The following DPM1 variants were observed in gnomAD, a reference collection of about 807,000 sequenced individuals.
The protein encoded by DPM1 is dolichyl-phosphate mannosyltransferase subunit 1, catalytic.
In DPM1, 27 loss-of-function variants were observed where a neutral mutation model predicts 39.0. The ratio of observed to expected loss-of-function variants is 0.69; its 90% CI spans 0.51 to 0.95. The LOEUF (loss-of-function observed/expected upper bound fraction) is 0.95, where lower values mean the gene tolerates loss of function less well. DPM1 is among the 40% of genes least tolerant of loss of function. The pLI is 0.00. For synonymous variants in DPM1, 124 were observed against 109.0 expected, an observed-to-expected ratio of 1.14 and a Z score of -0.86; for missense variants, 307 against 315.6, an observed-to-expected ratio of 0.97 and a Z score of 0.21.
intron 5 of DPM1, chr20:50,945,072 A>G (rs908004315): frequency 5.9e-5 from 9 of 152,776 alleles, no homozygotes; most frequent in African/African-American, 9.6e-5. Context: ...TGAATGAATT[A>G]TAAGTGATTA....
At chr20:50,941,853 T>TA (rs1377116351) in intron 6 of DPM1, among the ~76,000 whole-genome samples, 178 bp downstream of exon 6, 1 of 152,086 alleles carries the variant, frequency 6.6e-6, no homozygotes, top group African/African-American at 2.4e-5. Flanking sequence ...TTTTCCTTAA[T>TA]AAAAAACATC....
At chr20:50,947,939 T>A (rs1986380678) in intron 3 of DPM1, among the ~76,000 whole-genome samples, 1 of 152,106 alleles carries the variant, frequency 6.6e-6, no homozygotes, top group African/African-American at 2.4e-5. Flanking sequence ...AAATGAAGAG[T>A]AACTTTTTAA....
At chr20:50,946,446 C>T (rs939752224) in intron 3 of DPM1, among the ~76,000 whole-genome samples, 9 of 152,254 alleles carry the variant, frequency 5.9e-5, no homozygotes, top group Admixed American at 5.2e-4. Flanking sequence ...GCTCCATCCA[C>T]AGGTCTAGAG....
intron 3 of DPM1, 69 bp from the exon 4 acceptor site, chr20:50,945,992 G>T (rs1168187125): frequency 1.5e-6 from 2 of 1,377,756 alleles, no homozygotes; most frequent in African/African-American, 2.8e-5. Flanking sequence ...GAACATCAAG[G>T]AAATTGTTTA....
chr20:50,952,003 C>G (rs1986607940), intron 2 of DPM1, among the ~76,000 whole-genome samples: 1 of 152,040 alleles, frequency 6.6e-6, no homozygotes. Flanking sequence ...TCTGATGGCC[C>G]CTTTCTATGT....
chr20:50,939,591 A>C (rs1985533346), intron 7 of DPM1, among the ~76,000 whole-genome samples: 1 of 151,496 alleles, frequency 6.6e-6, no homozygotes, highest in Admixed American at 6.6e-5. Context: ...AGGCCTCCCA[A>C]AGTGCTGGGA....
intron 8 of DPM1, 116 bp downstream of exon 8, chr20:50,936,032 C>T: frequency 6.8e-6 from 5 of 734,056 alleles, no homozygotes; most frequent in Admixed American, 2.1e-5. Context: ...TTCTAAACAA[C>T]TAGAAGACCT....
rs573246577 is a variant in DPM1 at position 50,951,752 on chromosome 20, C to T, written c.262-3090G>A. Among the ~76,000 whole-genome samples, 196 of 151,790 alleles carry T rather than the reference C, an allele frequency of 1.3e-3. 2 individuals carry two copies. Among genetic ancestry groups the T allele is most frequent in the Admixed American group, 4.2e-3 (64 of 15,254 alleles). On this transcript the variant is annotated intron_variant, in intron 2 of 8. Coordinates refer to ENST00000371588, the MANE Select transcript of DPM1 (RefSeq NM_003859.3). ...GCAGTGAGCTGAGATCTTGCCATTG[C>T]ACTCCAGCCTGGGCGACAGAGCGAG...
chr20:50,939,938 G>T (rs1285504761), intron 7 of DPM1, among the ~76,000 whole-genome samples: 1 of 152,210 alleles, frequency 6.6e-6, no homozygotes, highest in African/African-American at 2.4e-5. Flanking sequence ...CGCAATCAGA[G>T]ATCTTAATCA....
At position 50,934,874 on chromosome 20, in the gene DPM1, T is replaced by C. The variant is rs1985011252; in HGVS notation, c.*258A>G. On this transcript the variant is annotated 3_prime_UTR_variant, in exon 9 of 9. Transcript: ENST00000371588. ...CTCTAATGAAGGCAGCAATACTTTA[T>C]GCAAAAAAAAATATACATTTATTTA... is the stretch of plus-strand genomic sequence containing the variant. 1 of 284,662 alleles carries C rather than the reference T, an allele frequency of 3.5e-6. No individual in the cohort carries two copies. The highest frequency in any genetic ancestry group is 2.3e-5 in the African/African-American group (1 of 44,360). The allele number at this position is 284,662 out of a possible 1,614,324, so 17.6% of individuals were successfully genotyped here.
chr20:50,944,966 G>A (rs1986172826), intron 5 of DPM1: 1 of 152,154 alleles, frequency 6.6e-6, no homozygotes, highest in Admixed American at 6.5e-5. Flanking sequence ...TGCTTAAGAG[G>A]TTTCCTTCTA....
At chr20:50,952,347 C>T (rs926259459) in intron 2 of DPM1, among the ~76,000 whole-genome samples, 22 of 152,178 alleles carry the variant, frequency 1.4e-4, no homozygotes, top group African/African-American at 5.3e-4. Context: ...GACTATAGTA[C>T]ATATACAGTT....
intron 2 of DPM1, among the ~76,000 whole-genome samples, chr20:50,954,696 A>G (rs1986739727): frequency 6.6e-6 from 1 of 152,216 alleles, no homozygotes; most frequent in Non-Finnish European, 1.5e-5. Context: ...AGACTATTCT[A>G]TAGACTAAAA....
chr20:50,941,273 ACATT>A (rs1985754943), intron 6 of DPM1: 1 of 144,600 alleles, frequency 6.9e-6, no homozygotes, highest in East Asian at 1.3e-4. Flanking sequence ...TAAATAAAAT[ACATT>A]CATATAATAT....
chr20:50,941,267 T>TATATATATAA (rs1435028731), intron 6 of DPM1: 1 of 148,766 alleles, frequency 6.7e-6, no homozygotes, highest in Non-Finnish European at 1.3e-5. Context: ...TATATATAAA[T>TATATATATAA]AAAATACATT....
chr20:50,944,010 G>A (rs1203918248), intron 5 of DPM1, among the ~76,000 whole-genome samples: 1 of 152,190 alleles, frequency 6.6e-6, no homozygotes, highest in Non-Finnish European at 1.5e-5. Context: ...AAAGTGCTGG[G>A]ATTACAGGCG....
chr20:50,951,222 T>C (rs888288475), intron 2 of DPM1, among the ~76,000 whole-genome samples: 1 of 152,208 alleles, frequency 6.6e-6, no homozygotes, highest in Non-Finnish European at 1.5e-5. Flanking sequence ...AAGGAGACTA[T>C]GATACTTATA....
chr20:50,943,740 ATT>A (rs141377879), intron 5 of DPM1, among the ~76,000 whole-genome samples: 6,323 of 125,754 alleles, frequency 0.05, 274 homozygotes, highest in African/African-American at 0.13. Context: ...AAGCCTGAGT[ATT>A]TTTTTTTTTT....
chr20:50,950,167 TC>T (rs1463920025), intron 2 of DPM1, among the ~76,000 whole-genome samples: 1 of 152,204 alleles, frequency 6.6e-6, no homozygotes, highest in Non-Finnish European at 1.5e-5. Context: ...ACAAAACCCA[TC>T]TTATAGTGAT....
Sources: allele counts gnomAD v4.1 joint callset (sites outside exome capture counted in the v4.1 genomes callset), GRCh38; gene constraint gnomAD v4.1.1; transcripts MANE v1.5; gene names NCBI Gene and HGNC (gene_info 2026-07-23, HGNC 2026-07-21).